Variants in NOL8 observed in about 807,000 individuals in gnomAD.
NOL8 encodes the protein nucleolar protein Nop132.
NOL8 carries 93 observed loss-of-function variants against 116.1 expected under a neutral mutation model. The ratio of observed to expected loss-of-function variants is 0.80; its 90% CI spans 0.68 to 0.95. NOL8 has a LOEUF of 0.95. NOL8 is among the 40% of genes least tolerant of loss of function. The pLI is 0.00. For synonymous variants in NOL8, 419 were observed against 469.0 expected (o/e 0.89, Z 1.38); for missense variants, 1,291 against 1,382.8 (o/e 0.93, Z 1.05).
intron 7 of NOL8, among the ~76,000 whole-genome samples, chr9:92,312,984 A>AG (rs1838984507): frequency 6.6e-6 from 1 of 150,514 alleles, no homozygotes. Flanking sequence ...AAATAAAGGA[A>AG]GAAAAAAAAA....
chr9:92,319,155 A>G (rs1839691124), intron 5 of NOL8, 66 bp downstream of exon 5: 1 of 1,451,462 alleles, frequency 6.9e-7, no homozygotes, highest in East Asian at 2.6e-5. Flanking sequence ...GACACCCACA[A>G]TCACGTGATC....
At chr9:92,322,601 C>A (rs1840015702) in intron 3 of NOL8, among the ~76,000 whole-genome samples, 1 of 152,194 alleles carries the variant, frequency 6.6e-6, no homozygotes, top group South Asian at 2.1e-4. Flanking sequence ...AAGTGATCCA[C>A]CTGCCTTAGC....
intron 10 of NOL8, among the ~76,000 whole-genome samples, chr9:92,309,576 G>A (rs901764261): frequency 2.6e-5 from 4 of 152,160 alleles, no homozygotes; most frequent in African/African-American, 7.2e-5. Flanking sequence ...AGCGACGTAA[G>A]AGGTAAGGTG....
In NOL8 at chr9:92,310,244, C is replaced by T. The variant is rs781533504; in HGVS notation, c.2613G>A (p.Ser871=). 1.2e-5 allele frequency: 19 copies of T among 1,607,904 alleles called. No homozygotes were observed. Among genetic ancestry groups the T allele is most frequent in the African/African-American group, 2.7e-5 (2 of 74,810 alleles). Residue 871 remains serine, a synonymous_variant, in exon 10 of 17, where the codon TCG becomes TCA. Transcript: ENST00000442668. ...RAGQKLMDLQ[S]HFGTDDRFRM... ...GGAATCTGTCATCGGTGCCAAAGTGCGACTGTAAATCCATGAGCTACACAG... is the reference window on the plus strand; with the variant it reads ...GGAATCTGTCATCGGTGCCAAAGTGTGACTGTAAATCCATGAGCTACACAG...
chr9:92,318,025 C>A (rs1839577178), intron 6 of NOL8, among the ~76,000 whole-genome samples: 1 of 109,120 alleles, frequency 9.2e-6, no homozygotes, highest in Admixed American at 1.1e-4. Context: ...CAGAGCAAGA[C>A]TCCATCTCAA....
At position 92,299,793 on chromosome 9, in the gene NOL8, A is replaced by C; in HGVS notation, c.3302+97T>G. ...ATAAAAAAAGAAGCTAAGACAATTT[A>C]GTTGTCATGTGAAGAGAAGCTAAAA... is the stretch of plus-strand genomic sequence containing the variant. On this transcript the variant is annotated intron_variant, in intron 14 of 16. Coordinates refer to ENST00000442668, the MANE Select transcript of NOL8 (RefSeq NM_017948.6). The C allele has an allele frequency of 2.4e-6, 3 of 1,254,304 alleles. No homozygotes were observed. The South Asian group carries it at 4.3e-5, about 18-fold the overall frequency. 77.7% of individuals were successfully genotyped at this position (1,254,304 alleles called of 1,614,324 possible). A position where few individuals can be genotyped will look rare whatever the true frequency, so the allele number is the denominator to read the frequency against.
At chr9:92,318,560 G>T in intron 6 of NOL8, 58 bp downstream of exon 6, 1 of 1,192,610 alleles carries the variant, frequency 8.4e-7, no homozygotes, top group Non-Finnish European at 1.2e-6. Flanking sequence ...AATGCTAAAG[G>T]TATTTTACAA....
intron 14 of NOL8, among the ~76,000 whole-genome samples, chr9:92,299,205 G>GT (rs971803485): frequency 6.6e-6 from 1 of 152,102 alleles, no homozygotes; most frequent in Non-Finnish European, 1.5e-5. Context: ...ATGAAGACTT[G>GT]TTTAAGTAGA....
rs1159307747 is a variant in NOL8, at chr9:92,315,261, C to T, written c.1364G>A (p.Ser455Asn). The T allele has an allele frequency of 3.7e-6, 6 of 1,613,996 alleles. No homozygotes were observed. The East Asian group carries it at 1.3e-4, about 36-fold the overall frequency. ...LNRKSPSHSS[S>N]SEDADSASEL... ...TGATGCAGAATCAGCATCTTCACTG[C>T]TACTGGAGTGAGAGGGAGATTTACG... The change falls in exon 7 of 17, where the codon AGC becomes AAC. Residue 455 changes from serine to asparagine, a missense_variant. Physicochemically the swap from Ser to Asn is conservative, Grantham distance 46 (BLOSUM62 1). Transcript: ENST00000442668.
rs1182594514 is a variant in NOL8, at chr9:92,316,094, C to T, written c.531G>A (p.Lys177=). 2 of 1,613,996 alleles carry T rather than the reference C, an allele frequency of 1.2e-6. No homozygotes were observed. The highest frequency in any genetic ancestry group is 2.2e-5 in the East Asian group (1 of 44,888). ...TGGTGTTTGAGAAATCCTCCCCTAT[C>T]TTCTTCAGGTTGTGGCAGTATTTTG... is the stretch of plus-strand genomic sequence containing the variant. ...DPSKYCHNLK[K]IGEDFSNTIP... is the part of the protein sequence containing the mutation. Residue 177 remains lysine, a synonymous_variant, in exon 7 of 17, where the codon AAG becomes AAA. Coordinates refer to ENST00000442668, the MANE Select transcript of NOL8 (RefSeq NM_017948.6).
At chr9:92,324,320 CTATTG>C in intron 1 of NOL8, 111 bp from the exon 2 acceptor site, 1 of 869,802 alleles carries the variant, frequency 1.1e-6, no homozygotes, top group South Asian at 2.0e-5. Context: ...ATTTCACTTC[CTATTG>C]TATTACTTCC....
rs1837348203 is a variant in NOL8, at chr9:92,297,621, A to G, written c.*215T>C. 3.7e-6 allele frequency: 2 copies of G among 534,982 alleles called. No homozygotes were observed. Among genetic ancestry groups the G allele is most frequent in the South Asian group, 2.5e-5 (1 of 40,216 alleles). The allele number at this position is 534,982 out of a possible 1,614,324, so 33.1% of individuals were successfully genotyped here. ...TCAAGGACTATCTTGTTCTTCCTTTATAAGAAGTTGAATTTAATTTTTGAA... is the reference window on the plus strand; with the variant it reads ...TCAAGGACTATCTTGTTCTTCCTTTGTAAGAAGTTGAATTTAATTTTTGAA... On this transcript the variant is annotated 3_prime_UTR_variant, in exon 17 of 17. Coordinates refer to ENST00000442668, the MANE Select transcript of NOL8 (RefSeq NM_017948.6).
chr9:92,305,862 G>C, intron 11 of NOL8, 32 bp from the exon 12 acceptor site: 1 of 1,438,088 alleles, frequency 7.0e-7, no homozygotes. Flanking sequence ...GGTTGGAAGA[G>C]ATAAAAACAG....
chr9:92,320,829 A>T (rs2130736967), intron 4 of NOL8, among the ~76,000 whole-genome samples: 1 of 150,900 alleles, frequency 6.6e-6, no homozygotes, highest in South Asian at 2.1e-4. Context: ...CTGGTCTTGA[A>T]CTCCTGACCT....
At position 92,311,157 on chromosome 9, in the gene NOL8, C is replaced by T. The variant is rs774050332; in HGVS notation, c.2461G>A (p.Glu821Lys). 7 of 1,612,728 alleles carry T rather than the reference C, an allele frequency of 4.3e-6. No homozygotes were observed. The highest frequency in any genetic ancestry group is 1.1e-5 in the South Asian group (1 of 91,012). ...CCTGAACTTCTTACTTTCACCCATT[C>T]CTCTCCTGGATGGCTCTGCTCCTGA... ...STQEQSHPGE[E>K]WVKESMGKTS... is the part of the protein sequence containing the mutation. The change falls in exon 8 of 17, where the codon GAA (glutamate) becomes AAA (lysine). Residue 821 changes from glutamate (E) to lysine (K), a missense_variant. Glu to Lys is a moderately conservative substitution (Grantham distance 56). Coordinates refer to ENST00000442668, the MANE Select transcript of NOL8 (RefSeq NM_017948.6).
At chr9:92,316,255 C>T in intron 6 of NOL8, 117 bp from the exon 7 acceptor site, 1 of 1,151,060 alleles carries the variant, frequency 8.7e-7, no homozygotes, top group Non-Finnish European at 1.2e-6. Flanking sequence ...TTTCAGTTTC[C>T]TGTAAAAGAA....
At position 92,315,658 on chromosome 9, in the gene NOL8, G is replaced by A; in HGVS notation, c.967C>T (p.Gln323Ter). 1 of 1,612,868 alleles carries A rather than the reference G, an allele frequency of 6.2e-7. No individual in the cohort carries two copies. Among genetic ancestry groups the A allele is most frequent in the Non-Finnish European group, 8.5e-7 (1 of 1,179,358 alleles). The change falls in exon 7 of 17, where the codon CAA (glutamine) becomes TAA (stop). Residue 323 changes from glutamine to a stop codon, truncating the protein, a stop_gained. Transcript: ENST00000442668. LOFTEE classifies it high-confidence loss of function. ...CTTTCAGATTCATTTATTGAGGGTTGTGTAGTTCTCTGTAAGTTTTCCTCT... is the reference window on the plus strand; with the variant it reads ...CTTTCAGATTCATTTATTGAGGGTTATGTAGTTCTCTGTAAGTTTTCCTCT... ...AKEENLQRTTQPSINESESDP... is the reference protein window; with the variant it reads ...AKEENLQRTT
At chr9:92,322,077 T>C (rs1839973519) in intron 3 of NOL8, among the ~76,000 whole-genome samples, 1 of 152,266 alleles carries the variant, frequency 6.6e-6, no homozygotes, top group African/African-American at 2.4e-5. Context: ...TTAATGTATA[T>C]TTTATTGTTA....
chr9:92,314,852 GTCTT>G lies in NOL8; in HGVS notation c.1769_1772del (p.Lys590ThrfsTer13). 7 of 1,613,278 alleles carry G rather than the reference GTCTT, an allele frequency of 4.3e-6. No individual in the cohort carries two copies. Among genetic ancestry groups the G allele is most frequent in the Non-Finnish European group, 5.9e-6 (7 of 1,179,660 alleles). ...GATCTTTATTGTTAGAGGCAACACT[GTCTT>G]TCAAGGATTTTTTCATTGACTCCTT... On this transcript the variant is annotated frameshift_variant, in exon 7 of 17. Transcript: ENST00000442668. LOFTEE classifies it high-confidence loss of function.
Sources: allele counts gnomAD v4.1 joint callset (sites outside exome capture counted in the v4.1 genomes callset), GRCh38; gene constraint gnomAD v4.1.1; transcripts MANE v1.5; gene names NCBI Gene and HGNC (gene_info 2026-07-23, HGNC 2026-07-21).